Variants in LMX1A observed in about 807,000 individuals in gnomAD.
The protein encoded by LMX1A is LIM homeobox transcription factor 1 alpha, also known as LIM homeobox transcription factor 1-alpha.
LMX1A carries 15 observed loss-of-function variants against 49.1 expected under a neutral mutation model. The ratio of observed to expected loss-of-function variants is 0.31; its 90% CI spans 0.20 to 0.47. The LOEUF is 0.47. Ranked by LOEUF, LMX1A falls within the 20% of genes least tolerant of loss-of-function variation. The pLI is 1.00. For synonymous variants in LMX1A, 167 were observed against 185.7 expected, an observed-to-expected ratio of 0.90 and a Z score of 0.82; for missense variants, 372 against 475.8, an observed-to-expected ratio of 0.78 and a Z score of 2.03.
chr1:165,297,786 C>T (rs1283191826), intron 3 of LMX1A, among the ~76,000 whole-genome samples: 1 of 152,210 alleles, frequency 6.6e-6, no homozygotes, highest in Non-Finnish European at 1.5e-5. Flanking sequence ...TACTGAGCCA[C>T]TGCCAAGCTT....
At chr1:165,297,100 GC>G (rs1044219502) in intron 3 of LMX1A, among the ~76,000 whole-genome samples, 1 of 152,204 alleles carries the variant, frequency 6.6e-6, no homozygotes, top group Non-Finnish European at 1.5e-5. Context: ...TCAGTTTCCA[GC>G]ACAGTGCTTG....
intron 3 of LMX1A, among the ~76,000 whole-genome samples, chr1:165,348,491 C>T (rs558724095): frequency 3.3e-5 from 5 of 152,226 alleles, no homozygotes; most frequent in South Asian, 2.1e-4. Context: ...GTGCTTATGC[C>T]GAGCTAAGCC....
intron 4 of LMX1A, among the ~76,000 whole-genome samples, chr1:165,223,612 T>C (rs1335141106): frequency 6.6e-6 from 1 of 152,234 alleles, no homozygotes; most frequent in East Asian, 1.9e-4. Flanking sequence ...CAAATCTATC[T>C]GCTCTTTGCA....
rs1656486783 is a variant in LMX1A, at chr1:165,353,229, C to T, written c.110G>A (p.Gly37Asp). The T allele has an allele frequency of 6.2e-7, 1 of 1,613,386 alleles. No homozygotes were observed. Residue 37 changes from glycine to aspartate, a missense_variant, in exon 3 of 9, where the codon GGC becomes GAC. Coordinates refer to ENST00000342310, the MANE Select transcript of LMX1A (RefSeq NM_177398.4). ...RAVSPKSVCE[G>D]CQRVILDRFL... ...CCTGTCCAAGATGACCCGCTGACAGCCCTCGCAGACAGACTTGGGGCTCAC... is the reference window on the plus strand; with the variant it reads ...CCTGTCCAAGATGACCCGCTGACAGTCCTCGCAGACAGACTTGGGGCTCAC...
intron 3 of LMX1A, among the ~76,000 whole-genome samples, chr1:165,316,435 C>CT (rs1210886900): frequency 7.9e-5 from 12 of 152,072 alleles, no homozygotes. Context: ...ACTGGAGGTC[C>CT]TGGGGGCACT....
intron 3 of LMX1A, among the ~76,000 whole-genome samples, chr1:165,312,755 C>T (rs747208377): frequency 4.6e-5 from 7 of 152,212 alleles, no homozygotes; most frequent in African/African-American, 9.7e-5. Flanking sequence ...CCAGCTGGTC[C>T]GCCTGCAGCA....
At chr1:165,217,093 G>A (rs1215501696) in intron 4 of LMX1A, among the ~76,000 whole-genome samples, 1 of 152,168 alleles carries the variant, frequency 6.6e-6, no homozygotes, top group Non-Finnish European at 1.5e-5. Context: ...CTCAGTTAAG[G>A]TTTTACACTG....
At chr1:165,302,211 G>C (rs1470968291) in intron 3 of LMX1A, among the ~76,000 whole-genome samples, 2 of 151,764 alleles carry the variant, frequency 1.3e-5, no homozygotes, top group Admixed American at 6.6e-5. Context: ...GCCGGTGGGG[G>C]GCGGGGTGGA....
chr1:165,308,126 T>C (rs1399212823), intron 3 of LMX1A, among the ~76,000 whole-genome samples: 1 of 152,154 alleles, frequency 6.6e-6, no homozygotes, highest in Non-Finnish European at 1.5e-5. Context: ...CATAAGGAAA[T>C]TATTAGTCCA....
At chr1:165,278,835 G>A (rs1282666056) in intron 3 of LMX1A, among the ~76,000 whole-genome samples, 1 of 152,196 alleles carries the variant, frequency 6.6e-6, no homozygotes, top group Non-Finnish European at 1.5e-5. Context: ...TGGAACTGGA[G>A]CATTAACCCT....
At chr1:165,264,456 GA>G (rs1224926680) in intron 3 of LMX1A, among the ~76,000 whole-genome samples, 3 of 152,090 alleles carry the variant, frequency 2.0e-5, no homozygotes, top group African/African-American at 7.2e-5. Context: ...CCTTAGACTA[GA>G]AATCCACACA....
intron 3 of LMX1A, among the ~76,000 whole-genome samples, chr1:165,318,660 G>A (rs1293250616): frequency 6.6e-6 from 1 of 152,046 alleles, no homozygotes; most frequent in Non-Finnish European, 1.5e-5. Flanking sequence ...TTTTAAAGGA[G>A]ACAAGACCCA....
At chr1:165,231,270 C>A (rs186497263) in intron 4 of LMX1A, among the ~76,000 whole-genome samples, 2 of 150,964 alleles carry the variant, frequency 1.3e-5, no homozygotes, top group East Asian at 1.9e-4. Context: ...TTGTTTAAAA[C>A]AAATCTTAGA....
Position 165,343,435 on chromosome 1 carries a change from A to G in LMX1A, c.263+9641T>C, listed in dbSNP as rs566751690. ...TAATAATAATAATAATAATAATAACACCCAATCCTGTAGAGTACTCTACAC... is the reference window on the plus strand; with the variant it reads ...TAATAATAATAATAATAATAATAACGCCCAATCCTGTAGAGTACTCTACAC... On this transcript the variant is annotated intron_variant, in intron 3 of 8. Coordinates refer to ENST00000342310, the MANE Select transcript of LMX1A (RefSeq NM_177398.4). Among the ~76,000 whole-genome samples, 46 of 149,748 alleles carry G rather than the reference A, an allele frequency of 3.1e-4. 1 individual carries two copies. The South Asian group carries it at 9.5e-3, about 31-fold the overall frequency.
chr1:165,272,052 A>G (rs771093285), intron 3 of LMX1A, among the ~76,000 whole-genome samples: 9 of 152,008 alleles, frequency 5.9e-5, no homozygotes, highest in Non-Finnish European at 1.3e-4. Flanking sequence ...CAGGATGTGC[A>G]GGTTTGTTAC....
rs554812404 is a variant in LMX1A, at chr1:165,350,076, C to T, written c.263+3000G>A. Among the ~76,000 whole-genome samples the T allele has an allele frequency of 1.0e-4, 15 of 150,588 alleles. No homozygotes were observed. The East Asian group carries it at 2.3e-3, about 24-fold the overall frequency. On this transcript the variant is annotated intron_variant, in intron 3 of 8. Coordinates refer to ENST00000342310, the MANE Select transcript of LMX1A (RefSeq NM_177398.4). Reference sequence around the variant, plus strand: ...CTGCATATTCATTTTTTATTAAGTGCTCCCTAATTTACCATCAACATTGTC... The same window carrying T: ...CTGCATATTCATTTTTTATTAAGTGTTCCCTAATTTACCATCAACATTGTC...
chr1:165,272,322 G>T (rs556770912), intron 3 of LMX1A, among the ~76,000 whole-genome samples: 1 of 152,322 alleles, frequency 6.6e-6, no homozygotes, highest in East Asian at 1.9e-4. Context: ...AACATTTGCT[G>T]CTGAAGAGAG....
chr1:165,313,858 A>G (rs1423132683), intron 3 of LMX1A, among the ~76,000 whole-genome samples: 1 of 152,200 alleles, frequency 6.6e-6, no homozygotes, highest in African/African-American at 2.4e-5. Context: ...CTCTTCAGAA[A>G]AACTCAACAT....
chr1:165,229,930 T>C (rs996604787), intron 4 of LMX1A, among the ~76,000 whole-genome samples: 2 of 152,228 alleles, frequency 1.3e-5, no homozygotes, highest in African/African-American at 4.8e-5. Context: ...CTGAAATTCA[T>C]AGGTTGAAAT....
Sources: gnomAD v4.1 joint callset for allele counts (sites outside exome capture counted in the v4.1 genomes callset) on GRCh38, gnomAD v4.1.1 for gene constraint, MANE v1.5 for transcripts, NCBI Gene and HGNC (gene_info 2026-07-23, HGNC 2026-07-21) for gene names.